Variants in SFMBT1 observed in about 807,000 individuals in gnomAD.
SFMBT1 encodes the protein scm-like with four MBT domains protein 1.
Under a neutral mutation model 108.7 loss-of-function variants are expected in SFMBT1, and 32 were observed. The ratio of observed to expected loss-of-function variants is 0.29; its 90% CI spans 0.22 to 0.40. The LOEUF is 0.40. Among genes scored for constraint, SFMBT1 ranks in the 10% least tolerant of loss-of-function variants. The probability of loss-of-function intolerance (pLI) is 1.00; values close to 1 mark genes in which losing one functional copy is unlikely to be tolerated. For missense variants in SFMBT1, 816 were observed against 1,059.6 expected, an observed-to-expected ratio of 0.77 and a Z score of 3.19; for synonymous variants, 348 against 369.5, an observed-to-expected ratio of 0.94 and a Z score of 0.67.
intron 4 of SFMBT1, among the ~76,000 whole-genome samples, chr3:52,940,290 TAAAAG>T (rs773496154): frequency 6.6e-6 from 1 of 152,210 alleles, no homozygotes; most frequent in Non-Finnish European, 1.5e-5. Flanking sequence ...CATTCTTCAC[TAAAAG>T]AAAAGACTTC....
chr3:53,030,550 T>C (rs903948634), intron 1 of SFMBT1, among the ~76,000 whole-genome samples: 1 of 152,128 alleles, frequency 6.6e-6, no homozygotes, highest in Non-Finnish European at 1.5e-5. Flanking sequence ...TCATTTTTCT[T>C]AACTATTTCT....
intron 1 of SFMBT1, among the ~76,000 whole-genome samples, chr3:53,004,066 A>G (rs1698652582): frequency 1.3e-5 from 2 of 150,024 alleles, no homozygotes; most frequent in Admixed American, 1.4e-4. Flanking sequence ...TTTTAACTCA[A>G]AAAGAAGGAA....
chr3:53,006,472 T>G (rs549301782), intron 1 of SFMBT1, among the ~76,000 whole-genome samples: 3 of 151,898 alleles, frequency 2.0e-5, no homozygotes, highest in African/African-American at 7.2e-5. Context: ...CTACTAAAAA[T>G]AGAAAAATCA....
At chr3:52,992,140 G>T (rs549732256) in intron 1 of SFMBT1, among the ~76,000 whole-genome samples, 3 of 152,326 alleles carry the variant, frequency 2.0e-5, no homozygotes, top group African/African-American at 7.2e-5. Flanking sequence ...TGCCCACTCA[G>T]AATGAGTCTG....
intron 1 of SFMBT1, among the ~76,000 whole-genome samples, chr3:52,977,633 G>A (rs952896541): frequency 6.6e-6 from 1 of 152,178 alleles, no homozygotes; most frequent in African/African-American, 2.4e-5. Flanking sequence ...AGTTCATGCT[G>A]GGGTGATGAA....
At chr3:52,922,796 T>G (rs990302863) in intron 10 of SFMBT1, among the ~76,000 whole-genome samples, 3 of 152,166 alleles carry the variant, frequency 2.0e-5, no homozygotes, top group African/African-American at 7.2e-5. Context: ...AGAAGATGCC[T>G]AGGTAAGAGG....
intron 1 of SFMBT1, among the ~76,000 whole-genome samples, chr3:53,017,297 T>C (rs1699158380): frequency 6.6e-6 from 1 of 152,168 alleles, no homozygotes; most frequent in Non-Finnish European, 1.5e-5. Flanking sequence ...ACAGGAAATA[T>C]TTTCATTTTG....
At chr3:52,997,240 T>C (rs116121707) in intron 1 of SFMBT1, among the ~76,000 whole-genome samples, 1,821 of 150,070 alleles carry the variant, frequency 0.012, 158 homozygotes, top group Non-Finnish European at 0.019. Context: ...AACTAGTGAA[T>C]GGATAAACAA....
chr3:53,026,406 A>G (rs144805832), intron 1 of SFMBT1, among the ~76,000 whole-genome samples: 1,542 of 152,334 alleles, frequency 0.01, 14 homozygotes, highest in Middle Eastern at 0.037. Context: ...ACACAAAACC[A>G]TAAGTCAAGA....
chr3:53,030,093 C>T (rs1022402108), intron 1 of SFMBT1, among the ~76,000 whole-genome samples: 1 of 151,046 alleles, frequency 6.6e-6, no homozygotes, highest in Non-Finnish European at 1.5e-5. Flanking sequence ...CAAAAAAAAA[C>T]CCAAAATATA....
intron 1 of SFMBT1, among the ~76,000 whole-genome samples, chr3:52,994,551 A>G (rs1226010715): frequency 6.6e-6 from 1 of 150,486 alleles, no homozygotes; most frequent in Non-Finnish European, 1.5e-5. Flanking sequence ...CCAGGCTGGA[A>G]TGCAGTGGGG....
intron 1 of SFMBT1, among the ~76,000 whole-genome samples, chr3:53,033,121 A>G (rs1194560405): frequency 2.0e-5 from 3 of 152,074 alleles, no homozygotes; most frequent in East Asian, 3.8e-4. Flanking sequence ...CAGCCTGGGC[A>G]ACAGAGCAAG....
intron 3 of SFMBT1, among the ~76,000 whole-genome samples, chr3:52,947,364 G>A (rs934505685): frequency 3.1e-4 from 47 of 152,078 alleles, no homozygotes; most frequent in Admixed American, 1.4e-3. Context: ...TGATCCGCCC[G>A]CCTCGGCCTC....
At chr3:52,923,377 C>T (rs1575375910) in intron 10 of SFMBT1, among the ~76,000 whole-genome samples, 2 of 152,022 alleles carry the variant, frequency 1.3e-5, no homozygotes, top group Admixed American at 6.6e-5. Flanking sequence ...AGAAGCCTGG[C>T]CAACATAGTG....
At chr3:52,966,950 T>TTATATATATA (rs374164813) in intron 2 of SFMBT1, among the ~76,000 whole-genome samples, 1 of 146,704 alleles carries the variant, frequency 6.8e-6, no homozygotes, top group Middle Eastern at 3.2e-3. Flanking sequence ...TTGTGATAAG[T>TTATATATATA]TATATATATA....
rs913645363 is a variant in SFMBT1 at position 52,944,639 on chromosome 3, C to T, written c.124-1046G>A. On this transcript the variant is annotated intron_variant, in intron 3 of 20. Coordinates refer to ENST00000394752, the MANE Select transcript of SFMBT1 (RefSeq NM_016329.4). ...GGTACAAGCGATTTTCCTGCCTCAG[C>T]CTCCTGAGTAGTTGGGGTTACAGGC... is the stretch of plus-strand genomic sequence containing the variant. Among the ~76,000 whole-genome samples, 4 of 152,084 alleles carry T rather than the reference C, an allele frequency of 2.6e-5. No homozygotes were observed. The East Asian group carries it at 7.7e-4, about 29-fold the overall frequency.
intron 2 of SFMBT1, among the ~76,000 whole-genome samples, chr3:52,956,604 C>CA (rs1223953120): frequency 4.0e-5 from 6 of 151,690 alleles, no homozygotes; most frequent in East Asian, 1.9e-4. Flanking sequence ...ACCAAAAATA[C>CA]AAAAAAATTA....
chr3:52,963,104 T>C (rs1223221971), intron 2 of SFMBT1, among the ~76,000 whole-genome samples: 1 of 151,820 alleles, frequency 6.6e-6, no homozygotes, highest in African/African-American at 2.4e-5. Flanking sequence ...AGAGGTTCTC[T>C]TGCCTCAGCC....
chr3:53,016,918 G>T (rs1188456951), intron 1 of SFMBT1, among the ~76,000 whole-genome samples: 1 of 152,006 alleles, frequency 6.6e-6, no homozygotes, highest in Non-Finnish European at 1.5e-5. Context: ...TTTCTATTTT[G>T]ATTCACATTG....
Sources: allele counts gnomAD v4.1 joint callset (sites outside exome capture counted in the v4.1 genomes callset), GRCh38; gene constraint gnomAD v4.1.1; transcripts MANE v1.5; gene names NCBI Gene and HGNC (gene_info 2026-07-23, HGNC 2026-07-21).